CSNK1G1: variants seen among roughly 807,000 people sequenced by gnomAD.
CSNK1G1 encodes the protein casein kinase I isoform gamma-1.
A neutral mutation model predicts 59.6 loss-of-function variants in CSNK1G1; 22 were observed. The observed-to-expected ratio is 0.37, with a 90% confidence interval of 0.26 to 0.53. The LOEUF is 0.53. CSNK1G1 is among the 20% of genes least tolerant of loss of function. The probability of loss-of-function intolerance (pLI) is 0.89; values close to 1 mark genes in which losing one functional copy is unlikely to be tolerated. For missense variants in CSNK1G1, 384 were observed against 519.5 expected, an observed-to-expected ratio of 0.74 and a Z score of 2.54; for synonymous variants, 179 against 177.1, an observed-to-expected ratio of 1.01 and a Z score of -0.08.
rs1038528232 is a variant in CSNK1G1, at chr15:64,267,220, G to A, written c.182-7979C>T. On this transcript the variant is annotated intron_variant, in intron 2 of 11. Transcript: ENST00000303052. The stretch of plus-strand genomic sequence containing the variant: ...TGAAGTGAGCCAAGACTGTGCCACT[G>A]CACTCCAGCCTGGGAGACAAAGCGA... Among the ~76,000 whole-genome samples the A allele has an allele frequency of 9.8e-5, 14 of 142,714 alleles. 1 individual carries two copies. Among genetic ancestry groups the A allele is most frequent in the Admixed American group, 9.6e-4 (13 of 13,524 alleles). The allele number at this position is 142,714 out of a possible 152,430, so 93.6% of individuals were successfully genotyped here. A position where few individuals can be genotyped will look rare whatever the true frequency, so the allele number is the denominator to read the frequency against.
intron 10 of CSNK1G1, among the ~76,000 whole-genome samples, chr15:64,187,546 A>C (rs2081914040): frequency 6.6e-6 from 1 of 152,188 alleles, no homozygotes; most frequent in Non-Finnish European, 1.5e-5. Context: ...CTATAGGGCC[A>C]AAACTGTCTT....
intron 10 of CSNK1G1, among the ~76,000 whole-genome samples, chr15:64,186,114 T>C (rs771731764): frequency 2.6e-5 from 4 of 151,972 alleles, no homozygotes; most frequent in Non-Finnish European, 5.9e-5. Context: ...TCCTTTCTTT[T>C]TATTTTTTTT....
intron 2 of CSNK1G1, among the ~76,000 whole-genome samples, chr15:64,266,113 A>C (rs1225114354): frequency 6.6e-6 from 1 of 151,808 alleles, no homozygotes; most frequent in Non-Finnish European, 1.5e-5. Context: ...GCCAGGCTGC[A>C]GTGCAGCGAC....
intron 6 of CSNK1G1, among the ~76,000 whole-genome samples, chr15:64,212,177 G>A (rs760149054): frequency 1.3e-5 from 2 of 152,128 alleles, no homozygotes; most frequent in Non-Finnish European, 2.9e-5. Context: ...CCAAAGTAAC[G>A]CTGATAGTAA....
Position 64,216,825 on chromosome 15 carries a change from T to G in CSNK1G1, c.293-112A>C. ...TTTTAAAAGTACAATTTGTGAGATT[T>G]CCATTTTCTTTCATAGTCCCTACTG... On this transcript the variant is annotated intron_variant, in intron 4 of 11. Coordinates refer to ENST00000303052, the MANE Select transcript of CSNK1G1 (RefSeq NM_022048.5). This position sits in a 1 kb window ranked among gnomAD's most constrained non-coding sequence, Gnocchi z 4.6. 1 of 1,038,550 alleles carries G rather than the reference T, an allele frequency of 9.6e-7. No homozygotes were observed. Among genetic ancestry groups the G allele is most frequent in the Non-Finnish European group, 1.4e-6 (1 of 733,856 alleles). 64.3% of individuals were successfully genotyped at this position (1,038,550 alleles called of 1,614,324 possible). A position where few individuals can be genotyped will look rare whatever the true frequency, so the allele number is the denominator to read the frequency against.
intron 2 of CSNK1G1, among the ~76,000 whole-genome samples, chr15:64,278,432 A>ATATT (rs1555400376): frequency 7.8e-6 from 1 of 127,930 alleles, no homozygotes; most frequent in Non-Finnish European, 1.7e-5. Context: ...ATATATATAT[A>ATATT]TTTTTTTTTT....
intron 2 of CSNK1G1, among the ~76,000 whole-genome samples, chr15:64,290,778 T>G (rs1215614120): frequency 6.6e-6 from 1 of 152,122 alleles, no homozygotes; most frequent in Non-Finnish European, 1.5e-5. Context: ...TGAGACAGAG[T>G]CTCGTTCTTG....
intron 1 of CSNK1G1, among the ~76,000 whole-genome samples, chr15:64,341,901 C>G (rs1897700601): frequency 6.6e-6 from 1 of 152,174 alleles, no homozygotes; most frequent in South Asian, 2.1e-4. Flanking sequence ...TGAGCAAGAA[C>G]AAACAAAACC....
At chr15:64,256,440 C>A (rs1376625795) in intron 3 of CSNK1G1, among the ~76,000 whole-genome samples, 1 of 152,210 alleles carries the variant, frequency 6.6e-6, no homozygotes, top group African/African-American at 2.4e-5. Flanking sequence ...TATATTCAGA[C>A]ATGAGGGTCT....
At chr15:64,174,466 G>C (rs2081717262) in intron 11 of CSNK1G1, among the ~76,000 whole-genome samples, 3 of 150,090 alleles carry the variant, frequency 2.0e-5, no homozygotes. Flanking sequence ...GTGACTACTA[G>C]CAACAGGATC....
intron 3 of CSNK1G1, among the ~76,000 whole-genome samples, chr15:64,258,278 C>T (rs570244787): frequency 6.6e-6 from 1 of 151,784 alleles, no homozygotes; most frequent in South Asian, 2.1e-4. Context: ...ACTTAGGAGG[C>T]AGACTGAAGT....
At chr15:64,178,670 C>T (rs747156009) in intron 11 of CSNK1G1, among the ~76,000 whole-genome samples, 10 of 151,758 alleles carry the variant, frequency 6.6e-5, no homozygotes, top group South Asian at 4.2e-4. Context: ...TTAGTAGAGA[C>T]GGGGTTTCAC....
chr15:64,341,940 G>A (rs1897702202), intron 1 of CSNK1G1, among the ~76,000 whole-genome samples: 2 of 152,224 alleles, frequency 1.3e-5, no homozygotes, highest in South Asian at 2.1e-4. Context: ...AAGTTACTTC[G>A]AACTTTATAC....
At chr15:64,199,982 T>C (rs764689917) in intron 10 of CSNK1G1, among the ~76,000 whole-genome samples, 14 of 152,258 alleles carry the variant, frequency 9.2e-5, no homozygotes, top group Non-Finnish European at 1.6e-4. Flanking sequence ...TGGTGGTTCA[T>C]GCCTGTAATT....
chr15:64,226,864 A>G (rs2082469616), intron 4 of CSNK1G1, among the ~76,000 whole-genome samples: 1 of 152,218 alleles, frequency 6.6e-6, no homozygotes, highest in African/African-American at 2.4e-5. Context: ...AGAAGGAATG[A>G]AAAGGAAAAA....
At chr15:64,208,110 T>G (rs1043756119) in intron 6 of CSNK1G1, among the ~76,000 whole-genome samples, 3 of 152,216 alleles carry the variant, frequency 2.0e-5, no homozygotes, top group Non-Finnish European at 2.9e-5. Context: ...TTAAGTTTCA[T>G]ATCAATGAAC....
intron 1 of CSNK1G1, among the ~76,000 whole-genome samples, chr15:64,329,024 C>G (rs1465749107): frequency 6.8e-6 from 1 of 146,868 alleles, no homozygotes; most frequent in African/African-American, 2.5e-5. Flanking sequence ...ATTCATAAAG[C>G]AAGTCCTGAG....
intron 3 of CSNK1G1, 84 bp downstream of exon 3, chr15:64,259,117 T>A: frequency 2.5e-6 from 3 of 1,214,330 alleles, no homozygotes; most frequent in Non-Finnish European, 3.5e-6. Context: ...GTTTTGCGAA[T>A]GAATGCTTAA....
At chr15:64,256,276 A>T (rs950820909) in intron 3 of CSNK1G1, among the ~76,000 whole-genome samples, 1 of 152,250 alleles carries the variant, frequency 6.6e-6, no homozygotes, top group Non-Finnish European at 1.5e-5. Context: ...AATGAATTTT[A>T]AAAACCACAC....
Sources: gnomAD v4.1 joint callset for allele counts (sites outside exome capture counted in the v4.1 genomes callset) on GRCh38, gnomAD v4.1.1 for gene constraint, Gnocchi (gnomAD v3.1) non-coding constraint, MANE v1.5 for transcripts, NCBI Gene and HGNC (gene_info 2026-07-23, HGNC 2026-07-21) for gene names.